The following ARAP3 variants were observed in gnomAD, a reference collection of about 807,000 sequenced individuals.
ARAP3 encodes the protein arf-GAP with Rho-GAP domain, ANK repeat and PH domain-containing protein 3.
ARAP3 carries 82 observed loss-of-function variants against 169.2 expected under a neutral mutation model. The ratio of observed to expected loss-of-function variants is 0.48; its 90% CI spans 0.41 to 0.58. The LOEUF (loss-of-function observed/expected upper bound fraction) is 0.58, where lower values mean the gene tolerates loss of function less well. ARAP3 is among the 20% of genes least tolerant of loss of function. The probability of loss-of-function intolerance (pLI) is 0.00; values close to 1 mark genes in which losing one functional copy is unlikely to be tolerated. For synonymous variants in ARAP3, 791 were observed against 800.3 expected, an observed-to-expected ratio of 0.99 and a Z score of 0.20; for missense variants, 1,764 against 2,018.0, an observed-to-expected ratio of 0.87 and a Z score of 2.41.
chr5:141,676,140 G>C (rs2099912153), intron 4 of ARAP3, among the ~76,000 whole-genome samples: 1 of 152,156 alleles, frequency 6.6e-6, no homozygotes, highest in Non-Finnish European at 1.5e-5. Context: ...ACGAGGTCAA[G>C]AGGTCGAGAC....
Position 141,672,970 on chromosome 5 carries a change from C to A in ARAP3, c.1093+43G>T. The A allele has an allele frequency of 6.2e-7, 1 of 1,612,716 alleles. No homozygotes were observed. On this transcript the variant is annotated intron_variant, in intron 7 of 32. Transcript: ENST00000239440. The surrounding 1 kb of genome is among the most constrained non-coding windows in gnomAD (Gnocchi z 4.9). ...AGGTCAGTGGCTGTTGCTCACACAG[C>A]CTCCCTCCCTCCTGCCCTGACTCAG...
In ARAP3 at chr5:141,679,946, G is replaced by A. The variant is rs780858593; in HGVS notation, c.524+17C>T. 171 of 1,613,830 alleles carry A rather than the reference G, an allele frequency of 1.1e-4. No homozygotes were observed. The highest frequency in any genetic ancestry group is 1.4e-4 in the Non-Finnish European group (161 of 1,179,946). On this transcript the variant is annotated intron_variant, in intron 2 of 32. Transcript: ENST00000239440. ...ACTCCTCCCAGCATCAGTCCCTAGG[G>A]AGCCAACTCCACTCACTTGTCCTGA...
rs1305182334 is a variant in ARAP3 at position 141,680,312 on chromosome 5, G to C, written c.175C>G (p.Leu59Val). ...TCGGTGCCTGTCTGTAGCAGGCGTA[G>C]AATGCGTTTCCGGTGCCCTGTGGCG... ...ISATGHRKRI[L>V]RLLQTGTEEG... is the part of the protein sequence containing the mutation. Residue 59 changes from leucine to valine, a missense_variant, in exon 2 of 33, where the codon CTA becomes GTA. Physicochemically the swap from Leu to Val is conservative, Grantham distance 32. Transcript: ENST00000239440. 1 of 1,614,250 alleles carries C rather than the reference G, an allele frequency of 6.2e-7. No individual in the cohort carries two copies. Among genetic ancestry groups the C allele is most frequent in the East Asian group, 2.2e-5 (1 of 44,890 alleles).
chr5:141,662,375 G>A (rs2154598833), intron 19 of ARAP3, 120 bp from the exon 20 acceptor site: 1 of 898,940 alleles, frequency 1.1e-6, no homozygotes, highest in East Asian at 2.6e-5. Context: ...TCAGAGAGGA[G>A]GAGATCTATG....
At chr5:141,661,612 G>GAATA in intron 21 of ARAP3, 72 bp downstream of exon 21, 2 of 1,382,758 alleles carry the variant, frequency 1.4e-6, no homozygotes, top group South Asian at 1.2e-5. Context: ...ATGAATGAAT[G>GAATA]AATAAATGAA....
chr5:141,678,226 C>T (rs1295431521), intron 4 of ARAP3, among the ~76,000 whole-genome samples: 1 of 152,146 alleles, frequency 6.6e-6, no homozygotes, highest in African/African-American at 2.4e-5. Flanking sequence ...GCTGGGATTA[C>T]AGGCATGAGC....
rs771211262 is a variant in ARAP3 at position 141,673,782 on chromosome 5, C to T, written c.725G>A (p.Arg242Gln). The change falls in exon 5 of 33, where the codon CGG (arginine) becomes CAG (glutamine). Residue 242 changes from arginine to glutamine, a missense_variant. Arg to Gln is a conservative substitution (Grantham distance 43). Around this residue, in one of 3 missense-constraint regions of ARAP3, gnomAD observed 630 missense variants for 678.7 expected, o/e 0.93. Coordinates refer to ENST00000239440, the MANE Select transcript of ARAP3 (RefSeq NM_022481.6). ...AAGGCTGGCATAGCCAGCATCCTCC[C>T]GTGCCTCCAGATCCTGTCTGCTGAG... ...HRLSRQDLEAREDAGYASLEL... is the reference protein window; with the variant it reads ...HRLSRQDLEAQEDAGYASLEL... 21 of 1,614,006 alleles carry T rather than the reference C, an allele frequency of 1.3e-5. No individual in the cohort carries two copies. Among genetic ancestry groups the T allele is most frequent in the Admixed American group, 1.0e-4 (6 of 60,006 alleles).
chr5:141,654,903 C>G (rs2099909008), intron 32 of ARAP3, among the ~76,000 whole-genome samples: 1 of 151,990 alleles, frequency 6.6e-6, no homozygotes, highest in African/African-American at 2.4e-5. Context: ...CCACACCTAG[C>G]TAATTTTGTA....
Position 141,653,797 on chromosome 5 carries a change from G to A in ARAP3, c.*153C>T, listed in dbSNP as rs1030911626. ...GGGGCCATGACCTGTCCTGGGACAC[G>A]CAGCCACTGAAGCCTTTAGTCCAGT... On this transcript the variant is annotated 3_prime_UTR_variant, in exon 33 of 33. Transcript: ENST00000239440. The A allele has an allele frequency of 3.7e-6, 4 of 1,089,998 alleles. No homozygotes were observed. In the African/African-American group the frequency reaches 4.7e-5, roughly 13 times the overall value. 67.5% of individuals were successfully genotyped at this position (1,089,998 alleles called of 1,614,324 possible).
chr5:141,654,539 T>C (rs1596472947), intron 32 of ARAP3, 104 bp from the exon 33 acceptor site: 1 of 1,465,072 alleles, frequency 6.8e-7, no homozygotes, highest in Non-Finnish European at 9.1e-7. Flanking sequence ...TGCTGTAAAA[T>C]ACTTGGCATG....
chr5:141,675,987 C>G (rs1012504397), intron 4 of ARAP3, among the ~76,000 whole-genome samples: 12 of 152,176 alleles, frequency 7.9e-5, no homozygotes, highest in Non-Finnish European at 1.8e-4. Context: ...CCCTCACTCT[C>G]CTCTCCCCTA....
chr5:141,680,685 AGGGACTTCAT>A, intron 1 of ARAP3, 182 bp from the exon 2 acceptor site: 1 of 980,434 alleles, frequency 1.0e-6, no homozygotes, highest in Non-Finnish European at 1.4e-6. Flanking sequence ...TACTTAGGGA[AGGGACTTCAT>A]TTGAAGTTAA....
At chr5:141,666,345 C>T (rs1439977546) in intron 17 of ARAP3, 79 bp downstream of exon 17, 2 of 1,290,776 alleles carry the variant, frequency 1.5e-6, no homozygotes, top group Admixed American at 3.7e-5. Flanking sequence ...CCCATAAGAA[C>T]CCCCAAATAA....
chr5:141,662,550 C>A (rs889445483), intron 19 of ARAP3, among the ~76,000 whole-genome samples: 1 of 152,188 alleles, frequency 6.6e-6, no homozygotes, highest in Non-Finnish European at 1.5e-5. Context: ...CCCTTATTAT[C>A]TGTGGATTCC....
In ARAP3 at chr5:141,666,725, G is replaced by A. The variant is rs555784653; in HGVS notation, c.2353-82C>T. 3 of 665,008 alleles carry A rather than the reference G, an allele frequency of 4.5e-6. No homozygotes were observed. The East Asian group carries it at 1.0e-4, about 23-fold the overall frequency. 41.2% of individuals were successfully genotyped at this position (665,008 alleles called of 1,614,324 possible). On this transcript the variant is annotated intron_variant, in intron 16 of 32. Transcript: ENST00000239440. ...GGGGAGAGAAATGAGAGTGACCGGG[G>A]TAGCGAAAAGCAGAGAAAAACATGA...
At chr5:141,659,533 T>C in intron 22 of ARAP3, 57 bp from the exon 23 acceptor site, 1 of 1,577,434 alleles carries the variant, frequency 6.3e-7, no homozygotes, top group Non-Finnish European at 8.7e-7. Flanking sequence ...GCCGGGAAGA[T>C]CTCAAGGCCA....
intron 15 of ARAP3, 37 bp from the exon 16 acceptor site, chr5:141,669,848 C>T (rs773193985): frequency 3.1e-6 from 5 of 1,612,112 alleles, no homozygotes; most frequent in Non-Finnish European, 4.2e-6. Context: ...AGGATGGGAC[C>T]AATGAGAGGG....
intron 32 of ARAP3, 147 bp downstream of exon 32, chr5:141,655,213 ACC>A: frequency 6.7e-6 from 4 of 593,406 alleles, no homozygotes; most frequent in Non-Finnish European, 8.4e-6. Context: ...ACACACACAC[ACC>A]CTGATGGCCT....
intron 22 of ARAP3, 44 bp downstream of exon 22, chr5:141,659,735 G>C (rs1255494250): frequency 3.1e-6 from 5 of 1,589,836 alleles, no homozygotes; most frequent in Non-Finnish European, 4.3e-6. Context: ...GTCCTGCAAG[G>C]GTAGGGGAAA....
Sources: gnomAD v4.1 joint callset for allele counts (sites outside exome capture counted in the v4.1 genomes callset) on GRCh38, gnomAD v4.1.1 for gene constraint, gnomAD v4.1.1 regional missense constraint, Gnocchi (gnomAD v3.1) non-coding constraint, MANE v1.5 for transcripts, NCBI Gene and HGNC (gene_info 2026-07-23, HGNC 2026-07-21) for gene names.